SOX5: variants seen among roughly 807,000 people sequenced by gnomAD.
SOX5 encodes transcription factor SOX-5.
In SOX5, 9 loss-of-function variants were observed where a neutral mutation model predicts 92.0. That is an observed-to-expected ratio of 0.10 (90% CI 0.06 to 0.17). The LOEUF is 0.17. SOX5 is among the 10% of genes least tolerant of loss of function. The probability of loss-of-function intolerance (pLI) is 1.00; values close to 1 mark genes in which losing one functional copy is unlikely to be tolerated. For synonymous variants in SOX5, 344 were observed against 336.3 expected (o/e 1.02, Z -0.25); for missense variants, 642 against 944.5 (o/e 0.68, Z 4.20).
intron 4 of SOX5, among the ~76,000 whole-genome samples, chr12:24,209,340 A>G (rs899131021): frequency 4.6e-5 from 7 of 152,200 alleles, no homozygotes; most frequent in African/African-American, 1.7e-4. Context: ...CTCTCCAAAA[A>G]ATAATGTCAA....
chr12:23,885,549 G>A (rs548205396), intron 2 of SOX5, among the ~76,000 whole-genome samples: 1 of 152,258 alleles, frequency 6.6e-6, no homozygotes, highest in East Asian at 1.9e-4. Context: ...CACAGAAGCA[G>A]CCTTGACTAA....
At chr12:24,398,275 G>A (rs530086631) in intron 1 of SOX5, among the ~76,000 whole-genome samples, 66 of 152,336 alleles carry the variant, frequency 4.3e-4, no homozygotes, top group African/African-American at 1.4e-3. Context: ...AGGCCAAGGC[G>A]AGAGTATCAC....
At chr12:24,245,311 T>G (rs142529450) in intron 3 of SOX5, among the ~76,000 whole-genome samples, 1 of 150,678 alleles carries the variant, frequency 6.6e-6, no homozygotes. Flanking sequence ...ACAACTAGGA[T>G]AGTGCCTAGC....
chr12:23,985,039 A>C (rs1405886028), intron 4 of SOX5, among the ~76,000 whole-genome samples: 2 of 152,176 alleles, frequency 1.3e-5, no homozygotes, highest in Non-Finnish European at 2.9e-5. Context: ...TAAATGGGTT[A>C]GAGTATTTGA....
At chr12:23,845,475 A>G (rs1164359775) in intron 3 of SOX5, among the ~76,000 whole-genome samples, 1 of 152,208 alleles carries the variant, frequency 6.6e-6, no homozygotes, top group Admixed American at 6.5e-5. Flanking sequence ...GACTTTCTGG[A>G]AGTTGAACAA....
chr12:23,537,831 C>G (rs547562572), intron 13 of SOX5, among the ~76,000 whole-genome samples: 1 of 152,110 alleles, frequency 6.6e-6, no homozygotes, highest in African/African-American at 2.4e-5. Flanking sequence ...AATGAAGCTG[C>G]GGACCCTCGC....
At chr12:24,461,985 GCTAATT>G (rs1283352146) in intron 1 of SOX5, among the ~76,000 whole-genome samples, 1 of 152,136 alleles carries the variant, frequency 6.6e-6, no homozygotes, top group African/African-American at 2.4e-5. Context: ...GCAAACTGAA[GCTAATT>G]CTACTGGCCA....
chr12:23,687,579 A>G (rs6487356), intron 6 of SOX5, among the ~76,000 whole-genome samples: 53,849 of 151,814 alleles, frequency 0.35, 9,624 homozygotes, highest in Non-Finnish European at 0.38. Flanking sequence ...ATCTGAACCT[A>G]TATTTTCAGA....
intron 4 of SOX5, among the ~76,000 whole-genome samples, chr12:24,136,782 GACTCCAAAA>G (rs1565508434): frequency 6.6e-6 from 1 of 152,238 alleles, no homozygotes; most frequent in African/African-American, 2.4e-5. Flanking sequence ...CCCCTGCTTC[GACTCCAAAA>G]GTTGAATTTA....
chr12:23,653,068 ATGGATGGG>A (rs1380890357), intron 7 of SOX5, among the ~76,000 whole-genome samples: 4 of 151,132 alleles, frequency 2.6e-5, no homozygotes, highest in Non-Finnish European at 5.9e-5. Flanking sequence ...GGATGGATGG[ATGGATGGG>A]TGGATGGATG....
chr12:23,929,511 G>A (rs1332608017), intron 1 of SOX5, among the ~76,000 whole-genome samples: 1 of 151,674 alleles, frequency 6.6e-6, no homozygotes, highest in Non-Finnish European at 1.5e-5. Context: ...CTGAGCATTT[G>A]ACAATAAGTG....
At chr12:24,348,049 C>CAAAAA (rs1182462748) in intron 2 of SOX5, among the ~76,000 whole-genome samples, 1,185 of 70,694 alleles carry the variant, frequency 0.017, no homozygotes, top group Middle Eastern at 0.027. Flanking sequence ...TACAGCTAAT[C>CAAAAA]AAAAAAAAAA....
intron 2 of SOX5, among the ~76,000 whole-genome samples, chr12:23,891,735 A>G (rs1214108650): frequency 6.6e-6 from 1 of 152,232 alleles, no homozygotes; most frequent in African/African-American, 2.4e-5. Flanking sequence ...TTTTGTGAAT[A>G]TGACAATGGC....
At chr12:24,328,728 A>G (rs1195819846) in intron 2 of SOX5, among the ~76,000 whole-genome samples, 3 of 152,216 alleles carry the variant, frequency 2.0e-5, no homozygotes, top group Non-Finnish European at 2.9e-5. Flanking sequence ...CAACTTTTGG[A>G]GGTGTGGGAG....
chr12:24,359,720 G>A (rs752409578), intron 2 of SOX5, among the ~76,000 whole-genome samples: 7 of 152,270 alleles, frequency 4.6e-5, no homozygotes, highest in Non-Finnish European at 7.4e-5. Flanking sequence ...ATTTTATCAA[G>A]GGATAAGGAA....
chr12:23,714,442 C>T (rs1461866917), intron 6 of SOX5, among the ~76,000 whole-genome samples: 3 of 151,976 alleles, frequency 2.0e-5, no homozygotes, highest in East Asian at 1.9e-4. Flanking sequence ...GCCAACATGG[C>T]GAAACCCTGT....
At chr12:24,385,363 C>T (rs1020085657) in intron 1 of SOX5, among the ~76,000 whole-genome samples, 2 of 152,158 alleles carry the variant, frequency 1.3e-5, no homozygotes, top group Non-Finnish European at 2.9e-5. Context: ...TTTCTGAGTA[C>T]ATTTAAGGTA....
intron 4 of SOX5, among the ~76,000 whole-genome samples, chr12:24,071,690 T>C (rs1569533159): frequency 6.6e-6 from 1 of 152,140 alleles, no homozygotes; most frequent in Non-Finnish European, 1.5e-5. Context: ...TGCCTCTGCC[T>C]CCCAAAGTGC....
intron 1 of SOX5, among the ~76,000 whole-genome samples, chr12:24,529,555 T>G (rs577869782): frequency 6.6e-6 from 1 of 152,282 alleles, no homozygotes; most frequent in South Asian, 2.1e-4. Flanking sequence ...AGAAGCAGAA[T>G]CTTAGAAGAG....
Sources: allele counts gnomAD v4.1 joint callset (sites outside exome capture counted in the v4.1 genomes callset), GRCh38; gene constraint gnomAD v4.1.1; transcripts MANE v1.5; gene names NCBI Gene and HGNC (gene_info 2026-07-23, HGNC 2026-07-21).